The following NDRG2 variants were observed in gnomAD, a reference collection of about 807,000 sequenced individuals.
NDRG2 encodes the protein NDRG family member 2.
Under a neutral mutation model 58.2 loss-of-function variants are expected in NDRG2, and 34 were observed. The observed-to-expected ratio is 0.58, with a 90% CI of 0.44 to 0.78. The LOEUF is 0.78. Ranked by LOEUF, NDRG2 falls within the 30% of genes least tolerant of loss-of-function variation. NDRG2 has a pLI of 0.00. For missense variants in NDRG2, 434 were observed against 471.2 expected, an observed-to-expected ratio of 0.92 and a Z score of 0.73; for synonymous variants, 187 against 175.9, an observed-to-expected ratio of 1.06 and a Z score of -0.50.
chr14:21,021,544 T>G, intron 6 of NDRG2: 1 of 468,860 alleles, frequency 2.1e-6, no homozygotes, highest in Non-Finnish European at 3.9e-6. Flanking sequence ...CCTCCCTGAC[T>G]TTCTGATCAG....
chr14:21,018,104 G>A, intron 14 of NDRG2, 66 bp from the exon 15 acceptor site: 2 of 1,600,614 alleles, frequency 1.2e-6, no homozygotes, highest in South Asian at 2.2e-5. Context: ...GGAGCCTGAG[G>A]CTGCGGCACT....
intron 5 of NDRG2, 43 bp downstream of exon 5, chr14:21,022,019 T>G: frequency 6.2e-7 from 1 of 1,614,094 alleles, no homozygotes; most frequent in Non-Finnish European, 8.5e-7. Context: ...GCACCTGTCC[T>G]GTTCCTCACA....
At chr14:21,038,866 C>T (rs1162526077) in intron 1 of NDRG2, among the ~76,000 whole-genome samples, 1 of 152,174 alleles carries the variant, frequency 6.6e-6, no homozygotes, top group East Asian at 1.9e-4. Context: ...GTGCTGCCTC[C>T]TCCTGACCCA....
At chr14:21,034,251 A>G (rs1472931521) in intron 1 of NDRG2, 1 of 1,613,760 alleles carries the variant, frequency 6.2e-7, no homozygotes, top group East Asian at 2.2e-5. Flanking sequence ...CCCCAGAACA[A>G]GCTGGAGGAA....
In NDRG2 at chr14:21,018,681, T is replaced by A. The variant is rs1878289416; in HGVS notation, c.813+82A>T. Reference sequence around the variant, plus strand: ...TGATCTCCCTGTGCCAAACAGGACATCCCCTTGGCAAGATACTCTTCTGAC... The same window carrying A: ...TGATCTCCCTGTGCCAAACAGGACAACCCCTTGGCAAGATACTCTTCTGAC... On this transcript the variant is annotated intron_variant, in intron 12 of 15. Coordinates refer to ENST00000556147, the MANE Select transcript of NDRG2 (RefSeq NM_001320329.2). The A allele has an allele frequency of 2.1e-5, 34 of 1,602,600 alleles. No homozygotes were observed. The East Asian group carries it at 4.7e-4, about 22-fold the overall frequency.
At chr14:21,025,753 G>T, upstream of NDRG2, 2 of 980,794 alleles carry the variant, frequency 2.0e-6, no homozygotes, top group Non-Finnish European at 2.4e-6. The surrounding 1 kb of genome is among the most constrained non-coding windows in gnomAD (Gnocchi z 5.1). Flanking sequence ...GCGGGGAGGT[G>T]GGGGCGGGGA....
chr14:21,068,920 T>C (rs1345524848), intron 1 of NDRG2, among the ~76,000 whole-genome samples: 2 of 152,210 alleles, frequency 1.3e-5, no homozygotes, highest in African/African-American at 2.4e-5. Flanking sequence ...GCAAGTCACC[T>C]TGGCGGCACC....
At chr14:21,047,832 C>G (rs979017710) in intron 1 of NDRG2, among the ~76,000 whole-genome samples, 1 of 152,138 alleles carries the variant, frequency 6.6e-6, no homozygotes, top group South Asian at 2.1e-4. Flanking sequence ...GGGGAGGAGA[C>G]TTTTCTACAT....
rs76101761 is a variant in NDRG2, at chr14:21,043,532, C to T, written c.25-20211G>A. On this transcript the variant is annotated intron_variant, in intron 1 of 14. Transcript: ENST00000403829. ...TCCAGGACTCCGCACCACTCCCCTA[C>T]ACCCAGAGCATTCTCTTCCCCTCAT... 424 of 1,042,700 alleles carry T rather than the reference C, an allele frequency of 4.1e-4. 1 individual carries two copies. The East Asian group carries it at 0.01, about 25-fold the overall frequency. The allele number at this position is 1,042,700 out of a possible 1,614,324, so 64.6% of individuals were successfully genotyped here.
intron 1 of NDRG2, chr14:21,032,127 A>G: frequency 6.4e-7 from 1 of 1,566,264 alleles, no homozygotes; most frequent in Non-Finnish European, 8.8e-7. Context: ...CATGTTTAAC[A>G]CCAGGGAGCT....
chr14:21,070,523 C>T lies in NDRG2; in HGVS notation c.24+305G>A. ...GACTGTTCGGCCCCTCTGGGACTCT[C>T]CTCCCTCCCATCCCCCCTTCTTCGA... On this transcript the variant is annotated intron_variant, in intron 1 of 14. Transcript: ENST00000403829. The surrounding 1 kb of genome is among the most constrained non-coding windows in gnomAD (Gnocchi z 4.7). 3 of 1,181,350 alleles carry T rather than the reference C, an allele frequency of 2.5e-6. No homozygotes were observed. The highest frequency in any genetic ancestry group is 3.4e-6 in the Non-Finnish European group (3 of 883,586). The allele number at this position is 1,181,350 out of a possible 1,614,324, so 73.2% of individuals were successfully genotyped here.
Position 21,045,803 on chromosome 14 carries a change from C to A in NDRG2, c.25-22482G>T, listed in dbSNP as rs139909600. Among the ~76,000 whole-genome samples the A allele has an allele frequency of 7.1e-3, 1,085 of 152,244 alleles. 14 individuals are homozygous for A. Among genetic ancestry groups the A allele is most frequent in the African/African-American group, 0.025 (1,020 of 41,536 alleles). ...AAATAACTAGAAAGTTCTGAAGTAA[C>A]CTGTGGTGATACAGGTCAGAATAGT... is the stretch of plus-strand genomic sequence containing the variant. On this transcript the variant is annotated intron_variant, in intron 1 of 14. Transcript: ENST00000403829.
At chr14:21,021,012 G>C (rs1235094773) in intron 6 of NDRG2, 168 bp from the exon 7 acceptor site, 1 of 735,268 alleles carries the variant, frequency 1.4e-6, no homozygotes, top group Non-Finnish European at 2.4e-6. Flanking sequence ...AGAAGCCAAA[G>C]GTTGGCACGG....
At chr14:21,020,293 C>CAA (rs11325826) in intron 8 of NDRG2, 959 of 388,370 alleles carry the variant, frequency 2.5e-3, no homozygotes, top group South Asian at 5.6e-3. Context: ...GACACCATCT[C>CAA]AAAAAAAAAA....
At chr14:21,031,342 C>A in intron 1 of NDRG2, 1 of 750,248 alleles carries the variant, frequency 1.3e-6, no homozygotes, top group Non-Finnish European at 2.0e-6. Flanking sequence ...AAGTGACTTG[C>A]CCAAGGTCCA....
chr14:21,026,834 A>G (rs1883695732), upstream of NDRG2, among the ~76,000 whole-genome samples: 1 of 152,076 alleles, frequency 6.6e-6, no homozygotes, highest in South Asian at 2.1e-4. Context: ...ATGCCAGTTT[A>G]ACACTCTCCT....
At chr14:21,060,615 C>T (rs907993886) in intron 1 of NDRG2, among the ~76,000 whole-genome samples, 2 of 152,242 alleles carry the variant, frequency 1.3e-5, no homozygotes, top group African/African-American at 2.4e-5. Flanking sequence ...CAGCCCAGAG[C>T]TCCCAAAGTC....
At chr14:21,018,876 C>T (rs1356891774) in intron 11 of NDRG2, 62 bp from the exon 12 acceptor site, 4 of 1,595,146 alleles carry the variant, frequency 2.5e-6, no homozygotes, top group Admixed American at 3.4e-5. Flanking sequence ...TGGCCTCTGC[C>T]TAGGAGTGCA....
intron 1 of NDRG2, chr14:21,023,527 A>G (rs1412784783): frequency 8.6e-6 from 5 of 578,988 alleles, no homozygotes; most frequent in South Asian, 4.1e-5. Context: ...AGGAATCAGG[A>G]CAGCCCTTCT....
Sources: gnomAD v4.1 joint callset for allele counts (sites outside exome capture counted in the v4.1 genomes callset) on GRCh38, gnomAD v4.1.1 for gene constraint, Gnocchi (gnomAD v3.1) non-coding constraint, MANE v1.5 for transcripts, NCBI Gene and HGNC (gene_info 2026-07-23, HGNC 2026-07-21) for gene names.